IMMP2L: variants seen among roughly 807,000 people sequenced by gnomAD.
IMMP2L encodes mitochondrial inner membrane protease subunit 2.
Under a neutral mutation model 19.3 loss-of-function variants are expected in IMMP2L, and 18 were observed. The ratio of observed to expected loss-of-function variants is 0.93; its 90% confidence interval spans 0.64 to 1.38. IMMP2L has a LOEUF of 1.38. IMMP2L is among the 40% of genes most tolerant of loss of function. IMMP2L has a pLI of 0.00. For missense variants in IMMP2L, 233 were observed against 218.2 expected (o/e 1.07, Z -0.43); for synonymous variants, 76 against 73.0 (o/e 1.04, Z -0.21).
chr7:110,816,150 A>G (rs1802491784), intron 5 of IMMP2L, among the ~76,000 whole-genome samples: 1 of 152,098 alleles, frequency 6.6e-6, no homozygotes, highest in Admixed American at 6.6e-5. Context: ...TGTCCCAGAG[A>G]TACTGGTATG....
Position 111,123,225 on chromosome 7 carries a change from G to C in IMMP2L, c.240-159660C>G. On this transcript the variant is annotated intron_variant, in intron 3 of 5. Coordinates refer to ENST00000405709, the MANE Select transcript of IMMP2L (RefSeq NM_032549.4). This position sits in a 1 kb window ranked among gnomAD's most constrained non-coding sequence, Gnocchi z 6.4. Reference sequence around the variant, plus strand: ...AAGAACTCTATATTAATCACAACTTGCTTTCTACAATTTCACCTGGAGCCT... The same window carrying C: ...AAGAACTCTATATTAATCACAACTTCCTTTCTACAATTTCACCTGGAGCCT... 1.2e-6 allele frequency: 2 copies of C among 1,613,820 alleles called. No homozygotes were observed. Among genetic ancestry groups the C allele is most frequent in the African/African-American group, 1.3e-5 (1 of 75,014 alleles).
intron 3 of IMMP2L, among the ~76,000 whole-genome samples, chr7:111,296,251 T>C (rs1198855313): frequency 6.6e-6 from 1 of 151,864 alleles, no homozygotes; most frequent in Non-Finnish European, 1.5e-5. Flanking sequence ...AGATGGTCAA[T>C]AAGCATTTGA....
At chr7:111,498,853 G>C (rs1044109473) in intron 2 of IMMP2L, among the ~76,000 whole-genome samples, 1 of 151,946 alleles carries the variant, frequency 6.6e-6, no homozygotes, top group Non-Finnish European at 1.5e-5. Context: ...TGGTACCTGG[G>C]TACCCTAAAT....
intron 3 of IMMP2L, 82 bp downstream of exon 3, chr7:111,487,154 GAT>G: frequency 4.8e-6 from 3 of 627,048 alleles, no homozygotes; most frequent in Admixed American, 2.3e-5. Context: ...TTGGCAATAT[GAT>G]ATTAACAGTG....
intron 3 of IMMP2L, among the ~76,000 whole-genome samples, chr7:111,223,973 G>A (rs1026984386): frequency 3.3e-5 from 5 of 152,116 alleles, no homozygotes; most frequent in Non-Finnish European, 5.9e-5. Flanking sequence ...AATATGGAAT[G>A]CCTTTTAAAT....
chr7:111,152,785 T>A (rs369296996), intron 3 of IMMP2L, among the ~76,000 whole-genome samples: 1 of 152,150 alleles, frequency 6.6e-6, no homozygotes, highest in Non-Finnish European at 1.5e-5. Context: ...TCTAATCCCA[T>A]CTTCTCACTT....
intron 3 of IMMP2L, among the ~76,000 whole-genome samples, chr7:111,260,987 A>T (rs1291260672): frequency 1.3e-5 from 2 of 152,144 alleles, no homozygotes; most frequent in Non-Finnish European, 2.9e-5. Context: ...GATATTTGGA[A>T]TCAGGAATGA....
intron 3 of IMMP2L, among the ~76,000 whole-genome samples, chr7:111,401,527 C>G (rs1219520955): frequency 6.6e-6 from 1 of 152,100 alleles, no homozygotes; most frequent in Non-Finnish European, 1.5e-5. Flanking sequence ...TTTCAATGTA[C>G]TTCTTTGAAT....
Position 110,907,161 on chromosome 7 carries a change from A to G in IMMP2L, c.306-20466T>C, listed in dbSNP as rs559273846. 2.7e-4 allele frequency among the ~76,000 whole-genome samples: 41 copies of G among 152,306 alleles called. 1 individual carries two copies. The South Asian group carries it at 5.2e-3, about 19-fold the overall frequency. On this transcript the variant is annotated intron_variant, in intron 4 of 5. Transcript: ENST00000405709. ...ATTTGTGGATGGCTTAAGTGTTAAC[A>G]GCTCAGTGGAGGGTCAGTGTGACAG... is the stretch of plus-strand genomic sequence containing the variant.
At chr7:111,007,235 T>C (rs1417630609) in intron 3 of IMMP2L, among the ~76,000 whole-genome samples, 1 of 152,096 alleles carries the variant, frequency 6.6e-6, no homozygotes, top group Non-Finnish European at 1.5e-5. Flanking sequence ...AATTCACTCA[T>C]TATCATGAGA....
chr7:110,937,915 C>T (rs1345234170), intron 4 of IMMP2L, among the ~76,000 whole-genome samples: 1 of 152,156 alleles, frequency 6.6e-6, no homozygotes, highest in Admixed American at 6.6e-5. Flanking sequence ...ATACACCAAG[C>T]AACAGAACTT....
chr7:111,153,915 A>G (rs1365496612), intron 3 of IMMP2L, among the ~76,000 whole-genome samples: 19 of 152,134 alleles, frequency 1.2e-4, no homozygotes, highest in Non-Finnish European at 1.5e-5. Context: ...TAGATGAAGC[A>G]GAAACAAATT....
intron 3 of IMMP2L, among the ~76,000 whole-genome samples, chr7:111,242,215 T>C (rs1212605200): frequency 6.6e-6 from 1 of 152,080 alleles, no homozygotes. Flanking sequence ...AGGTGTGTGT[T>C]GCTCAGTGAT....
At chr7:111,085,547 T>A (rs1455417329) in intron 3 of IMMP2L, among the ~76,000 whole-genome samples, 1 of 152,224 alleles carries the variant, frequency 6.6e-6, no homozygotes, top group Non-Finnish European at 1.5e-5. Flanking sequence ...TGGTACCACA[T>A]TGTGGTTTCT....
intron 3 of IMMP2L, among the ~76,000 whole-genome samples, chr7:111,138,752 G>A (rs1385845417): frequency 6.6e-6 from 1 of 152,098 alleles, no homozygotes; most frequent in Non-Finnish European, 1.5e-5. Flanking sequence ...GTCCTATTTG[G>A]TTCTCATGAA....
chr7:111,437,814 G>A (rs1440687112), intron 3 of IMMP2L, among the ~76,000 whole-genome samples: 1 of 151,782 alleles, frequency 6.6e-6, no homozygotes, highest in Non-Finnish European at 1.5e-5. Context: ...ATACAAATGT[G>A]TAGGTTTTAC....
At chr7:111,319,499 G>A (rs1824454064) in intron 3 of IMMP2L, among the ~76,000 whole-genome samples, 2 of 152,024 alleles carry the variant, frequency 1.3e-5, no homozygotes, top group South Asian at 2.1e-4. Flanking sequence ...GGTAGAAAGT[G>A]GAAGAAGCAG....
At chr7:111,557,896 T>G (rs1323046150) in intron 1 of IMMP2L, among the ~76,000 whole-genome samples, 1 of 151,816 alleles carries the variant, frequency 6.6e-6, no homozygotes, top group African/African-American at 2.4e-5. Context: ...GAAAATCAAC[T>G]GGACTTTGAG....
At chr7:110,887,029 TG>T (rs1810292737) in intron 4 of IMMP2L, among the ~76,000 whole-genome samples, 4 of 152,138 alleles carry the variant, frequency 2.6e-5, no homozygotes, top group Admixed American at 2.6e-4. Context: ...TAGATCTATT[TG>T]TTTTTTTAAC....
Sources: allele counts gnomAD v4.1 joint callset (sites outside exome capture counted in the v4.1 genomes callset), GRCh38; gene constraint gnomAD v4.1.1; non-coding constraint Gnocchi (gnomAD v3.1); transcripts MANE v1.5; gene names NCBI Gene and HGNC (gene_info 2026-07-23, HGNC 2026-07-21).